The following TBC1D22A variants were observed in gnomAD, a reference collection of about 807,000 sequenced individuals.
TBC1D22A encodes the protein TBC1 domain family member 22A.
Under a neutral mutation model 60.2 loss-of-function variants are expected in TBC1D22A, and 38 were observed. The ratio of observed to expected loss-of-function variants is 0.63; its 90% confidence interval spans 0.49 to 0.83. The LOEUF is 0.83. TBC1D22A is among the 40% of genes least tolerant of loss of function. The pLI is 0.00. For synonymous variants in TBC1D22A, 302 were observed against 281.7 expected, an observed-to-expected ratio of 1.07 and a Z score of -0.72; for missense variants, 628 against 701.0, an observed-to-expected ratio of 0.90 and a Z score of 1.18.
intron 4 of TBC1D22A, among the ~76,000 whole-genome samples, chr22:46,856,044 G>T (rs983964265): frequency 1.3e-5 from 2 of 152,144 alleles, no homozygotes; most frequent in South Asian, 4.1e-4. Context: ...GGAGTCCCTC[G>T]GCAGTGCTGA....
intron 4 of TBC1D22A, among the ~76,000 whole-genome samples, chr22:46,856,056 A>G (rs2087552265): frequency 6.6e-6 from 1 of 152,142 alleles, no homozygotes; most frequent in African/African-American, 2.4e-5. Flanking sequence ...CAGTGCTGAG[A>G]GGCTGCCCCT....
chr22:46,847,135 C>T (rs1602130695), intron 4 of TBC1D22A, among the ~76,000 whole-genome samples: 2 of 152,198 alleles, frequency 1.3e-5, no homozygotes, highest in South Asian at 4.1e-4. Context: ...TCTGCGGTGA[C>T]CTCTCCCTCA....
chr22:47,136,378 G>C (rs947599040), intron 12 of TBC1D22A, among the ~76,000 whole-genome samples: 1 of 152,236 alleles, frequency 6.6e-6, no homozygotes, highest in African/African-American at 2.4e-5. Context: ...CACTGACCTG[G>C]GTGGTCTCTC....
At chr22:46,935,883 G>A (rs911042371) in intron 8 of TBC1D22A, among the ~76,000 whole-genome samples, 3 of 151,718 alleles carry the variant, frequency 2.0e-5, no homozygotes, top group African/African-American at 4.9e-5. Context: ...TTGCTGTCGC[G>A]CTGTCTCCTG....
chr22:46,878,416 G>C (rs1452232904), intron 4 of TBC1D22A, among the ~76,000 whole-genome samples: 1 of 143,702 alleles, frequency 7.0e-6, no homozygotes, highest in Non-Finnish European at 1.5e-5. Flanking sequence ...ACGTGTTCCA[G>C]GGTAGCTCCA....
intron 4 of TBC1D22A, among the ~76,000 whole-genome samples, chr22:46,866,064 C>T (rs2067037292): frequency 6.6e-6 from 1 of 152,092 alleles, no homozygotes; most frequent in Non-Finnish European, 1.5e-5. Context: ...AAATTAAAAA[C>T]CAGTGCATAA....
intron 11 of TBC1D22A, among the ~76,000 whole-genome samples, chr22:47,087,365 T>A (rs1401972018): frequency 6.6e-6 from 1 of 152,222 alleles, no homozygotes; most frequent in Non-Finnish European, 1.5e-5. Flanking sequence ...TACATAATTA[T>A]AAAGCCAAAC....
chr22:46,959,885 AACTG>A (rs2073404547), intron 8 of TBC1D22A, among the ~76,000 whole-genome samples: 3 of 152,160 alleles, frequency 2.0e-5, no homozygotes, highest in Non-Finnish European at 4.4e-5. Flanking sequence ...TGGCCCTCGA[AACTG>A]ACTGGGTTCA....
intron 5 of TBC1D22A, among the ~76,000 whole-genome samples, chr22:46,879,041 CGAGGAG>C (rs2067713861): frequency 1.3e-5 from 2 of 151,484 alleles, no homozygotes; most frequent in Non-Finnish European, 2.9e-5. Flanking sequence ...GTTTCAACTC[CGAGGAG>C]TTGAAACAGG....
At chr22:46,936,785 C>G (rs998827985) in intron 8 of TBC1D22A, among the ~76,000 whole-genome samples, 1 of 152,174 alleles carries the variant, frequency 6.6e-6, no homozygotes, top group African/African-American at 2.4e-5. Flanking sequence ...CAGTATTTAC[C>G]CTGCTCTTCG....
At chr22:47,135,955 G>C (rs962429578) in intron 12 of TBC1D22A, among the ~76,000 whole-genome samples, 1 of 152,336 alleles carries the variant, frequency 6.6e-6, no homozygotes, top group Admixed American at 6.5e-5. Flanking sequence ...TGAGGTCACT[G>C]TGGCCGAGTA....
At chr22:46,873,391 A>G (rs1237311965) in intron 4 of TBC1D22A, among the ~76,000 whole-genome samples, 2 of 152,218 alleles carry the variant, frequency 1.3e-5, no homozygotes, top group African/African-American at 4.8e-5. Flanking sequence ...AAGACTGACA[A>G]CGCTAAATTT....
At chr22:46,996,056 G>A (rs115083847) in intron 9 of TBC1D22A, among the ~76,000 whole-genome samples, 1 of 152,242 alleles carries the variant, frequency 6.6e-6, no homozygotes, top group African/African-American at 2.4e-5. Context: ...CCTCCTGCCA[G>A]GTGGTGCCTG....
Position 46,964,046 on chromosome 22 carries a change from T to C in TBC1D22A, c.1016-10244T>C, listed in dbSNP as rs189994946. Among the ~76,000 whole-genome samples the C allele has an allele frequency of 8.5e-5, 13 of 152,322 alleles. No homozygotes were observed. The East Asian group carries it at 2.5e-3, about 29-fold the overall frequency. ...TGTGGGCAACACAGCTGCCTGTTAG[T>C]GTGAGGGCCGGGCTCCTGCCCCTCC... On this transcript the variant is annotated intron_variant, in intron 8 of 12. Coordinates refer to ENST00000337137, the MANE Select transcript of TBC1D22A (RefSeq NM_014346.5).
intron 5 of TBC1D22A, among the ~76,000 whole-genome samples, chr22:46,885,596 G>A (rs2068072520): frequency 6.6e-6 from 1 of 152,196 alleles, no homozygotes; most frequent in Admixed American, 6.5e-5. Context: ...GACGGGTCTG[G>A]ATGAAGCCTG....
intron 7 of TBC1D22A, among the ~76,000 whole-genome samples, chr22:46,908,671 C>T (rs112449728): frequency 6.6e-4 from 101 of 152,246 alleles, no homozygotes; most frequent in African/African-American, 2.1e-3. Context: ...CGGAGCGTCC[C>T]GGAGTCTGGG....
chr22:47,077,678 G>T (rs552366756), intron 11 of TBC1D22A, among the ~76,000 whole-genome samples: 2 of 152,252 alleles, frequency 1.3e-5, no homozygotes, highest in African/African-American at 4.8e-5. Flanking sequence ...AAGTGAAGAG[G>T]CAGTCGCACT....
chr22:47,106,136 A>G (rs1287852850), intron 11 of TBC1D22A, among the ~76,000 whole-genome samples: 1 of 152,224 alleles, frequency 6.6e-6, no homozygotes, highest in African/African-American at 2.4e-5. Context: ...TGTCCCAGAA[A>G]GACAAAGAGA....
chr22:46,782,936 G>A (rs1288676977), intron 1 of TBC1D22A, among the ~76,000 whole-genome samples: 2 of 152,160 alleles, frequency 1.3e-5, no homozygotes, highest in Admixed American at 6.5e-5. Context: ...GTTTTGGTGT[G>A]GATGTGTATT....
Sources: allele counts gnomAD v4.1 joint callset (sites outside exome capture counted in the v4.1 genomes callset), GRCh38; gene constraint gnomAD v4.1.1; transcripts MANE v1.5; gene names NCBI Gene and HGNC (gene_info 2026-07-23, HGNC 2026-07-21).